Variants in STK31 observed in about 807,000 individuals in gnomAD.
The protein encoded by STK31 is serine/threonine kinase 31, also known as serine/threonine-protein kinase 31.
In STK31, 89 loss-of-function variants were observed where a neutral mutation model predicts 129.7. The ratio of observed to expected loss-of-function variants is 0.69; its 90% CI spans 0.58 to 0.82. The LOEUF is 0.82. Ranked by LOEUF, STK31 falls within the 40% of genes least tolerant of loss-of-function variation. The pLI is 0.00. For synonymous variants in STK31, 448 were observed against 395.3 expected, an observed-to-expected ratio of 1.13 and a Z score of -1.58; for missense variants, 1,187 against 1,176.4, an observed-to-expected ratio of 1.01 and a Z score of -0.13.
chr7:23,740,750 G>T (rs573314084), intron 8 of STK31, among the ~76,000 whole-genome samples: 109 of 152,030 alleles, frequency 7.2e-4, no homozygotes, highest in Non-Finnish European at 2.5e-4. Context: ...GCGGTGTTTG[G>T]TTTTTTGTCC....
At chr7:23,810,683 G>T (rs1347961995) in intron 22 of STK31, among the ~76,000 whole-genome samples, 8 of 115,998 alleles carry the variant, frequency 6.9e-5, no homozygotes, top group Admixed American at 2.0e-4. Context: ...ATATAAAATA[G>T]ATATTATATA....
chr7:23,754,379 G>C lies in STK31; in HGVS notation c.1198G>C (p.Gly400Arg). 2 of 1,614,028 alleles carry C rather than the reference G, an allele frequency of 1.2e-6. No individual in the cohort carries two copies. Among genetic ancestry groups the C allele is most frequent in the Non-Finnish European group, 1.7e-6 (2 of 1,179,966 alleles). The change falls in exon 10 of 24, where the codon GGG becomes CGG. Residue 400 changes from glycine (G) to arginine (R), a missense_variant. This residue lies in a region of STK31 where 975 missense variants were observed against 934.9 expected (regional missense o/e 1.04). Transcript: ENST00000355870. Reference sequence around the variant, plus strand: ...AGATGCTATACAAGTGTTGGATGAAGGGTGCTTTACTACTCCAGCTTCTTT... The same window carrying C: ...AGATGCTATACAAGTGTTGGATGAACGGTGCTTTACTACTCCAGCTTCTTT... Reference protein sequence around the residue: ...LSDAIQVLDEGCFTTPASLNG... With the variant: ...LSDAIQVLDERCFTTPASLNG...
chr7:23,734,384 T>C (rs192435798), intron 6 of STK31, among the ~76,000 whole-genome samples: 1 of 152,342 alleles, frequency 6.6e-6, no homozygotes, highest in East Asian at 1.9e-4. Flanking sequence ...TTTAATTTCC[T>C]TTATAGTACG....
At chr7:23,748,563 C>T (rs570673222) in intron 8 of STK31, among the ~76,000 whole-genome samples, 8 of 152,284 alleles carry the variant, frequency 5.3e-5, no homozygotes, top group South Asian at 4.2e-4. Context: ...TCTCTGCCAT[C>T]GGTGAGATAG....
intron 8 of STK31, among the ~76,000 whole-genome samples, chr7:23,746,332 T>A (rs576942112): frequency 6.6e-6 from 1 of 152,272 alleles, no homozygotes; most frequent in Admixed American, 6.5e-5. Flanking sequence ...GGGTCTCTCA[T>A]TTACCCCTTC....
chr7:23,739,073 ACTAATT>A (rs1787895485), intron 8 of STK31, among the ~76,000 whole-genome samples: 1 of 152,218 alleles, frequency 6.6e-6, no homozygotes, highest in Non-Finnish European at 1.5e-5. Context: ...CAATGGTTGA[ACTAATT>A]CATACTCCCA....
chr7:23,786,664 A>G lies in STK31; in HGVS notation c.2400+31A>G, dbSNP rs773878409. ...GTTCTTATGCTAATCTCTTGCAGAA[A>G]CCATTTTATCTTGCAGAAACTATTT... On this transcript the variant is annotated intron_variant, in intron 19 of 23. Coordinates refer to ENST00000355870, the MANE Select transcript of STK31 (RefSeq NM_031414.5). The G allele has an allele frequency of 2.5e-6, 4 of 1,595,666 alleles. No individual in the cohort carries two copies. The East Asian group carries it at 8.9e-5, about 36-fold the overall frequency.
At chr7:23,720,496 A>G (rs1049672152) in intron 4 of STK31, among the ~76,000 whole-genome samples, 1 of 152,138 alleles carries the variant, frequency 6.6e-6, no homozygotes, top group African/African-American at 2.4e-5. Context: ...TTTCAAACCA[A>G]ATGCTTTATA....
intron 6 of STK31, among the ~76,000 whole-genome samples, chr7:23,733,289 G>A (rs1787534609): frequency 6.6e-6 from 1 of 152,016 alleles, no homozygotes; most frequent in Non-Finnish European, 1.5e-5. Context: ...CAGGGTGTGT[G>A]CCTGTAATCA....
At chr7:23,803,222 T>C (rs953476331) in intron 22 of STK31, among the ~76,000 whole-genome samples, 1 of 152,118 alleles carries the variant, frequency 6.6e-6, no homozygotes, top group South Asian at 2.1e-4. Context: ...AAGCACATAG[T>C]GTAAAATATA....
chr7:23,760,642 G>A (rs6948669), intron 10 of STK31, among the ~76,000 whole-genome samples: 38,276 of 151,978 alleles, frequency 0.25, 5,201 homozygotes, highest in East Asian at 0.39. Context: ...TTACCTAGTT[G>A]TAATTTTTTA....
At chr7:23,803,876 A>G (rs942150130) in intron 22 of STK31, among the ~76,000 whole-genome samples, 5 of 152,250 alleles carry the variant, frequency 3.3e-5, no homozygotes, top group Admixed American at 6.5e-5. Context: ...TTATCATGAC[A>G]CCATTTGTAT....
intron 8 of STK31, among the ~76,000 whole-genome samples, chr7:23,739,952 T>TA (rs1462402671): frequency 6.6e-6 from 1 of 152,250 alleles, no homozygotes; most frequent in Non-Finnish European, 1.5e-5. Flanking sequence ...GTCTTGGCTA[T>TA]ACGGGCTCTT....
chr7:23,829,241 A>C (rs1794396155), intron 23 of STK31, among the ~76,000 whole-genome samples: 1 of 151,970 alleles, frequency 6.6e-6, no homozygotes, highest in Non-Finnish European at 1.5e-5. Context: ...CCCATTTAGT[A>C]ATGATGTTAG....
intron 11 of STK31, among the ~76,000 whole-genome samples, chr7:23,763,480 T>G (rs1205167373): frequency 6.6e-6 from 1 of 152,210 alleles, no homozygotes; most frequent in Non-Finnish European, 1.5e-5. Flanking sequence ...TAATAGTGTT[T>G]CTCTCTACTT....
intron 15 of STK31, among the ~76,000 whole-genome samples, chr7:23,777,606 T>A (rs1025865484): frequency 6.6e-6 from 1 of 152,034 alleles, no homozygotes; most frequent in African/African-American, 2.4e-5. Flanking sequence ...TTTTATTTTT[T>A]TTTATCTTCG....
intron 23 of STK31, among the ~76,000 whole-genome samples, chr7:23,830,645 G>A (rs1321746092): frequency 2.1e-5 from 3 of 141,716 alleles, no homozygotes; most frequent in South Asian, 4.3e-4. Flanking sequence ...TTGAGCTGGG[G>A]GTCTCACTCT....
At chr7:23,820,055 T>G (rs1446952490) in intron 23 of STK31, among the ~76,000 whole-genome samples, 2 of 152,232 alleles carry the variant, frequency 1.3e-5, no homozygotes, top group African/African-American at 4.8e-5. Flanking sequence ...GAGAAGGAAG[T>G]AATAAAATTT....
At chr7:23,768,845 A>G in intron 11 of STK31, 150 bp from the exon 12 acceptor site, 1 of 600,310 alleles carries the variant, frequency 1.7e-6, no homozygotes. Flanking sequence ...TTGTGTTTTC[A>G]TCTCTATCTG....
Sources: gnomAD v4.1 joint callset for allele counts (sites outside exome capture counted in the v4.1 genomes callset) on GRCh38, gnomAD v4.1.1 for gene constraint, gnomAD v4.1.1 regional missense constraint, MANE v1.5 for transcripts, NCBI Gene and HGNC (gene_info 2026-07-23, HGNC 2026-07-21) for gene names.